The following PDZRN4 variants were observed in gnomAD, a reference collection of about 807,000 sequenced individuals.
PDZRN4 encodes the protein PDZ domain containing ring finger 4.
PDZRN4 carries 70 observed loss-of-function variants against 99.0 expected under a neutral mutation model. That is an observed-to-expected ratio of 0.71 (90% CI 0.58 to 0.86). PDZRN4 has a LOEUF of 0.86. PDZRN4 is among the 40% of genes least tolerant of loss of function. PDZRN4 has a pLI of 0.00. For missense variants in PDZRN4, 1,474 were observed against 1,331.2 expected, an observed-to-expected ratio of 1.11 and a Z score of -1.67; for synonymous variants, 551 against 501.6, an observed-to-expected ratio of 1.10 and a Z score of -1.32.
intron 7 of PDZRN4, among the ~76,000 whole-genome samples, chr12:41,559,712 G>A (rs553070364): frequency 2.3e-4 from 35 of 152,074 alleles, no homozygotes; most frequent in Non-Finnish European, 4.7e-4. Flanking sequence ...TCGTTGATAT[G>A]GTTTAACTAT....
intron 3 of PDZRN4, among the ~76,000 whole-genome samples, chr12:41,306,544 C>G (rs1484007162): frequency 6.6e-6 from 1 of 152,170 alleles, no homozygotes; most frequent in Admixed American, 6.5e-5. Flanking sequence ...GTTCACAACT[C>G]TACTAATCTT....
Position 41,573,299 on chromosome 12 carries a change from T to C in PDZRN4, c.2520T>C (p.Tyr840=), listed in dbSNP as rs1295972604. ...CTTACCACAGCTCCTCATATAGATA[T>C]GCAAACATCCCAGCACACGCCCGGC... ...LSPYHSSSYR[Y]ANIPAHARHY... Residue 840 remains tyrosine (Y), a synonymous_variant, in exon 10 of 10, where the codon TAT becomes TAC. Coordinates refer to ENST00000402685, the MANE Select transcript of PDZRN4 (RefSeq NM_001164595.2). The C allele has an allele frequency of 2.5e-6, 4 of 1,613,374 alleles. No homozygotes were observed. Among genetic ancestry groups the C allele is most frequent in the African/African-American group, 2.7e-5 (2 of 74,888 alleles).
chr12:41,573,539 A>C lies in PDZRN4; in HGVS notation c.2760A>C (p.Glu920Asp). ...ILKERALKIK[E>D]ERSGMTTDDD... is the part of the protein sequence containing the mutation. ...AGGAACGTGCCTTAAAGATCAAGGA[A>C]GAGCGGAGTGGCATGACCACAGACG... The change falls in exon 10 of 10, where the codon GAA becomes GAC. Residue 920 changes from glutamate to aspartate, a missense_variant. Glu to Asp is a conservative substitution (Grantham distance 45). Coordinates refer to ENST00000402685, the MANE Select transcript of PDZRN4 (RefSeq NM_001164595.2). 1 of 1,614,066 alleles carries C rather than the reference A, an allele frequency of 6.2e-7. No individual in the cohort carries two copies. Among genetic ancestry groups the C allele is most frequent in the South Asian group, 1.1e-5 (1 of 91,076 alleles).
chr12:41,417,423 T>C lies in PDZRN4; in HGVS notation c.844-89033T>C, dbSNP rs1592051810. The stretch of plus-strand genomic sequence containing the variant: ...TGACAATGCTAATAGTTTAGGAGAT[T>C]TATATGATGATGTTCTTCCTTAATT... On this transcript the variant is annotated intron_variant, in intron 3 of 9. Coordinates refer to ENST00000402685, the MANE Select transcript of PDZRN4 (RefSeq NM_001164595.2). 2.6e-5 allele frequency among the ~76,000 whole-genome samples: 4 copies of C among 151,916 alleles called. No individual in the cohort carries two copies. The South Asian group carries it at 8.3e-4, about 31-fold the overall frequency.
rs58740899 is a variant in PDZRN4, at chr12:41,431,487, T to C, written c.844-74969T>C. On this transcript the variant is annotated intron_variant, in intron 3 of 9. Coordinates refer to ENST00000402685, the MANE Select transcript of PDZRN4 (RefSeq NM_001164595.2). Reference sequence around the variant, plus strand: ...TAACCAGCACGCCAATAGGACAGAATACTTCATAGTTCATGAATCTTCCTC... The same window carrying C: ...TAACCAGCACGCCAATAGGACAGAACACTTCATAGTTCATGAATCTTCCTC... Among the ~76,000 whole-genome samples, 597 of 152,312 alleles carry C rather than the reference T, an allele frequency of 3.9e-3. 2 individuals are homozygous for C. The highest frequency in any genetic ancestry group is 0.014 in the African/African-American group (579 of 41,576).
intron 3 of PDZRN4, among the ~76,000 whole-genome samples, chr12:41,361,793 G>A (rs761459447): frequency 2.5e-4 from 38 of 152,006 alleles, no homozygotes; most frequent in Non-Finnish European, 3.8e-4. Context: ...TTAGTGTGAC[G>A]GGGTGAAAGG....
rs547742746 is a variant in PDZRN4, at chr12:41,446,328, C to T, written c.844-60128C>T. 1.1e-4 allele frequency among the ~76,000 whole-genome samples: 16 copies of T among 151,534 alleles called. No homozygotes were observed. The South Asian group carries it at 2.1e-3, about 20-fold the overall frequency. ...TTTTTTTTTCTGAACTAACCTCTCA[C>T]TCCTAGGCCTCTTAAGGGTCTGTTT... On this transcript the variant is annotated intron_variant, in intron 3 of 9. Coordinates refer to ENST00000402685, the MANE Select transcript of PDZRN4 (RefSeq NM_001164595.2).
chr12:41,210,940 T>G (rs1440842526), intron 3 of PDZRN4, among the ~76,000 whole-genome samples: 2 of 152,040 alleles, frequency 1.3e-5, no homozygotes, highest in Non-Finnish European at 2.9e-5. Context: ...CTATTTCTGT[T>G]AATTATTTAT....
Position 41,365,602 on chromosome 12 carries a change from C to G in PDZRN4, c.844-140854C>G, listed in dbSNP as rs557815191. On this transcript the variant is annotated intron_variant, in intron 3 of 9. Coordinates refer to ENST00000402685, the MANE Select transcript of PDZRN4 (RefSeq NM_001164595.2). Reference sequence around the variant, plus strand: ...TGTTGTGTTGACGGATAGCAAGTAGCTACAAAAGCAGAAGAAACCCAGAAT... The same window carrying G: ...TGTTGTGTTGACGGATAGCAAGTAGGTACAAAAGCAGAAGAAACCCAGAAT... Among the ~76,000 whole-genome samples the G allele has an allele frequency of 8.5e-5, 13 of 152,114 alleles. 1 individual carries two copies. In the South Asian group the frequency reaches 1.5e-3, roughly 17 times the overall value.
At position 41,306,855 on chromosome 12, in the gene PDZRN4, T is replaced by C. The variant is rs138490091; in HGVS notation, c.843+112667T>C. The stretch of plus-strand genomic sequence containing the variant: ...TATAATGAGGATCACCTTTTCTTCA[T>C]TGTCCACTAAGATACTCCTCATTTC... On this transcript the variant is annotated intron_variant, in intron 3 of 9. Transcript: ENST00000402685. 5.6e-4 allele frequency among the ~76,000 whole-genome samples: 86 copies of C among 152,312 alleles called. 1 individual carries two copies. The highest frequency in any genetic ancestry group is 1.9e-3 in the African/African-American group (79 of 41,564).
At position 41,266,339 on chromosome 12, in the gene PDZRN4, GAT is replaced by G. The variant is rs1181391259; in HGVS notation, c.843+72154_843+72155del. On this transcript the variant is annotated intron_variant, in intron 3 of 9. Transcript: ENST00000402685. ...AAAAAAAAAAAAAAAAAAAAAATGA[GAT>G]ATTAAAATCAATAAGTTAATTGCAT... Among the ~76,000 whole-genome samples the G allele has an allele frequency of 4.0e-4, 60 of 148,468 alleles. 6 individuals are homozygous for G. The highest frequency in any genetic ancestry group is 1.3e-3 in the African/African-American group (52 of 39,034).
At chr12:41,523,621 T>C (rs1384584282) in intron 5 of PDZRN4, among the ~76,000 whole-genome samples, 4 of 152,074 alleles carry the variant, frequency 2.6e-5, no homozygotes, top group Non-Finnish European at 5.9e-5. Flanking sequence ...CTGGAGTTTG[T>C]ATTCAAAATG....
chr12:41,222,885 C>A (rs1030160274), intron 3 of PDZRN4, among the ~76,000 whole-genome samples: 1 of 152,098 alleles, frequency 6.6e-6, no homozygotes, highest in East Asian at 1.9e-4. Flanking sequence ...TAGTAAGAAA[C>A]CTGTTAGATA....
chr12:41,557,014 G>A (rs530498214), intron 7 of PDZRN4, among the ~76,000 whole-genome samples: 1 of 152,008 alleles, frequency 6.6e-6, no homozygotes, highest in Non-Finnish European at 1.5e-5. Context: ...AGCCAGGCAT[G>A]GTGGCAGCCA....
chr12:41,516,047 C>T (rs1320611154), intron 5 of PDZRN4, among the ~76,000 whole-genome samples: 1 of 151,950 alleles, frequency 6.6e-6, no homozygotes, highest in Non-Finnish European at 1.5e-5. Context: ...GCTGCTGTGC[C>T]TCTGGAATGC....
At chr12:41,354,872 A>C (rs1455294147) in intron 3 of PDZRN4, among the ~76,000 whole-genome samples, 1 of 152,050 alleles carries the variant, frequency 6.6e-6, no homozygotes. Context: ...CCTGGAACAA[A>C]GGGCAAGTAA....
chr12:41,472,471 G>T (rs1953003026), intron 3 of PDZRN4, among the ~76,000 whole-genome samples: 1 of 151,994 alleles, frequency 6.6e-6, no homozygotes, highest in African/African-American at 2.4e-5. Context: ...AATTTTCTCT[G>T]ACAGTGTTTT....
chr12:41,426,714 T>C (rs1450683623), intron 3 of PDZRN4, among the ~76,000 whole-genome samples: 2 of 152,164 alleles, frequency 1.3e-5, no homozygotes, highest in Non-Finnish European at 2.9e-5. Flanking sequence ...CTTTTCAAAT[T>C]AGTAACAGAT....
intron 3 of PDZRN4, among the ~76,000 whole-genome samples, chr12:41,281,845 C>CTT (rs142461030): frequency 0.024 from 3,613 of 152,134 alleles, 142 homozygotes; most frequent in African/African-American, 0.082. Flanking sequence ...CACCACCAGG[C>CTT]CTGCCTTACA....
Sources: gnomAD v4.1 joint callset for allele counts (sites outside exome capture counted in the v4.1 genomes callset) on GRCh38, gnomAD v4.1.1 for gene constraint, MANE v1.5 for transcripts, NCBI Gene and HGNC (gene_info 2026-07-23, HGNC 2026-07-21) for gene names.